The following NAA35 variants were observed in gnomAD, a reference collection of about 807,000 sequenced individuals.
NAA35 encodes N-alpha-acetyltransferase 35, NatC auxiliary subunit.
A neutral mutation model predicts 101.7 loss-of-function variants in NAA35; 18 were observed. The observed-to-expected ratio is 0.18, with a 90% CI of 0.12 to 0.26. NAA35 has a LOEUF of 0.26. NAA35 is among the 10% of genes least tolerant of loss of function. The pLI is 1.00. For missense variants in NAA35, 601 were observed against 886.8 expected (o/e 0.68, Z 4.09); for synonymous variants, 267 against 273.1 (o/e 0.98, Z 0.22).
chr9:86,018,621 T>G (rs1392898785), intron 20 of NAA35, 78 bp from the exon 21 acceptor site: 3 of 1,532,862 alleles, frequency 2.0e-6, no homozygotes, highest in Non-Finnish European at 2.6e-6. Flanking sequence ...AAATGTAGAA[T>G]TCTTTAATAA....
chr9:85,988,384 AT>A (rs1830741095), intron 11 of NAA35, among the ~76,000 whole-genome samples: 1 of 152,248 alleles, frequency 6.6e-6, no homozygotes, highest in African/African-American at 2.4e-5. Flanking sequence ...AGAAGAAGTA[AT>A]GAATAATAGA....
intron 4 of NAA35, among the ~76,000 whole-genome samples, 187 bp downstream of exon 4, chr9:85,958,773 T>A (rs573854605): frequency 2.6e-4 from 40 of 152,344 alleles, no homozygotes; most frequent in African/African-American, 9.4e-4. Context: ...TTCATTAAAA[T>A]CTTGCTCTAA....
Position 86,021,997 on chromosome 9 carries a change from T to C in NAA35, c.*37T>C, listed in dbSNP as rs1424341689. The C allele has an allele frequency of 1.3e-6, 2 of 1,545,266 alleles. No individual in the cohort carries two copies. The highest frequency in any genetic ancestry group is 2.3e-5 in the South Asian group (2 of 88,526). ...GAGGTGGCCATAAAGGGGCAGAGTCTTCTTTCAGACCCAACTCTTAGAGGG... is the reference window on the plus strand; with the variant it reads ...GAGGTGGCCATAAAGGGGCAGAGTCCTCTTTCAGACCCAACTCTTAGAGGG... On this transcript the variant is annotated 3_prime_UTR_variant, in exon 23 of 23. Transcript: ENST00000361671.
At chr9:85,947,210 ATCTAGGT>A (rs1828807810) in intron 2 of NAA35, among the ~76,000 whole-genome samples, 5 of 152,292 alleles carry the variant, frequency 3.3e-5, no homozygotes, top group Admixed American at 2.0e-4. Context: ...TAATGTTATT[ATCTAGGT>A]GATCTGGAAT....
At chr9:85,973,785 A>G (rs1043196870) in intron 6 of NAA35, among the ~76,000 whole-genome samples, 1 of 152,026 alleles carries the variant, frequency 6.6e-6, no homozygotes, top group East Asian at 1.9e-4. Flanking sequence ...TGTAAGTCAT[A>G]AAATACACCT....
intron 14 of NAA35, among the ~76,000 whole-genome samples, chr9:86,009,115 C>A (rs1372200833): frequency 6.6e-6 from 1 of 152,112 alleles, no homozygotes; most frequent in Non-Finnish European, 1.5e-5. Flanking sequence ...GAACATATTT[C>A]TTCTACTGAA....
chr9:85,945,869 G>A (rs1040835888), intron 2 of NAA35, among the ~76,000 whole-genome samples: 3 of 152,130 alleles, frequency 2.0e-5, no homozygotes, highest in Non-Finnish European at 2.9e-5. Context: ...TACTGATGGC[G>A]AAGTTGTTTT....
In NAA35 at chr9:85,951,290, G is replaced by T. The variant is rs11141160; in HGVS notation, c.125-5070G>T. On this transcript the variant is annotated intron_variant, in intron 2 of 22. Transcript: ENST00000361671. ...ACTTCAATGTCTGGCATAACAGAGG[G>T]CAATTGAATTCTCATATTTGCTTCT... 4.0e-3 allele frequency among the ~76,000 whole-genome samples: 604 copies of T among 152,284 alleles called. 5 individuals are homozygous for T. Among genetic ancestry groups the T allele is most frequent in the African/African-American group, 0.014 (571 of 41,550 alleles).
intron 11 of NAA35, among the ~76,000 whole-genome samples, chr9:85,989,643 A>T (rs1161188223): frequency 6.6e-6 from 1 of 152,236 alleles, no homozygotes; most frequent in Admixed American, 6.5e-5. Flanking sequence ...GAAAGACTGA[A>T]ATCAGGAATG....
intron 6 of NAA35, among the ~76,000 whole-genome samples, chr9:85,965,862 T>C (rs1039265064): frequency 3.3e-5 from 5 of 152,188 alleles, no homozygotes; most frequent in African/African-American, 1.2e-4. Context: ...TACACTTGTT[T>C]GCACTGTTGG....
At chr9:85,968,681 C>T (rs1829868491) in intron 6 of NAA35, among the ~76,000 whole-genome samples, 1 of 151,682 alleles carries the variant, frequency 6.6e-6, no homozygotes, top group Non-Finnish European at 1.5e-5. Context: ...TGGATATAAC[C>T]TAATATTCTA....
At chr9:85,961,121 A>G (rs1396198342) in intron 5 of NAA35, among the ~76,000 whole-genome samples, 1 of 152,090 alleles carries the variant, frequency 6.6e-6, no homozygotes, top group Non-Finnish European at 1.5e-5. Flanking sequence ...AAAAATTTGG[A>G]CTTTAAAAGG....
At chr9:85,967,526 G>A (rs915640702) in intron 6 of NAA35, among the ~76,000 whole-genome samples, 10 of 152,168 alleles carry the variant, frequency 6.6e-5, no homozygotes, top group African/African-American at 2.2e-4. Flanking sequence ...AGAATGATTT[G>A]GCCGGGCGCG....
At chr9:86,010,765 A>G (rs1831884339) in intron 15 of NAA35, among the ~76,000 whole-genome samples, 1 of 149,930 alleles carries the variant, frequency 6.7e-6, no homozygotes, top group Non-Finnish European at 1.5e-5. Context: ...TTTTTAGTAG[A>G]GACGGGGTTT....
Position 85,975,352 on chromosome 9 carries a change from C to T in NAA35, c.627+195C>T, listed in dbSNP as rs547798897. Among the ~76,000 whole-genome samples, 54 of 151,928 alleles carry T rather than the reference C, an allele frequency of 3.6e-4. No homozygotes were observed. In the South Asian group the frequency reaches 0.01, roughly 29 times the overall value. On this transcript the variant is annotated intron_variant, in intron 8 of 22. Transcript: ENST00000361671. Reference sequence around the variant, plus strand: ...TTTCAAATTTTAGTATATGTGCTGCCGAAGCGAGCACAAATTAATGTCATT... The same window carrying T: ...TTTCAAATTTTAGTATATGTGCTGCTGAAGCGAGCACAAATTAATGTCATT...
At chr9:85,971,501 A>T (rs1462255653) in intron 6 of NAA35, among the ~76,000 whole-genome samples, 1 of 152,092 alleles carries the variant, frequency 6.6e-6, no homozygotes, top group African/African-American at 2.4e-5. Flanking sequence ...GATTTCCTCT[A>T]GTTCTGTGGC....
intron 17 of NAA35, among the ~76,000 whole-genome samples, chr9:86,015,410 A>G (rs1285469046): frequency 1.3e-5 from 2 of 152,134 alleles, no homozygotes; most frequent in African/African-American, 4.8e-5. Context: ...GTTGTTTTTC[A>G]TGCATACGGT....
chr9:86,022,011 A>C lies in NAA35; in HGVS notation c.*51A>C, dbSNP rs748834656. On this transcript the variant is annotated 3_prime_UTR_variant, in exon 23 of 23. Transcript: ENST00000361671. ...GGGGCAGAGTCTTCTTTCAGACCCA[A>C]CTCTTAGAGGGCACATCACCAGGCT... 1 of 1,412,178 alleles carries C rather than the reference A, an allele frequency of 7.1e-7. No homozygotes were observed. Among genetic ancestry groups the C allele is most frequent in the South Asian group, 1.2e-5 (1 of 84,208 alleles). 87.5% of individuals were successfully genotyped at this position (1,412,178 alleles called of 1,614,324 possible).
In NAA35 at chr9:85,967,529, C is replaced by T. The variant is rs10120290; in HGVS notation, c.516+5349C>T. 4.0e-3 allele frequency among the ~76,000 whole-genome samples: 605 copies of T among 152,042 alleles called. 5 individuals carry two copies. The highest frequency in any genetic ancestry group is 0.014 in the African/African-American group (570 of 41,484). On this transcript the variant is annotated intron_variant, in intron 6 of 22. Coordinates refer to ENST00000361671, the MANE Select transcript of NAA35 (RefSeq NM_024635.4). ...TAGTGATGAATAAGAATGATTTGGC[C>T]GGGCGCGGTGGCTCACGCATGTAAT...
Sources: allele counts gnomAD v4.1 joint callset (sites outside exome capture counted in the v4.1 genomes callset), GRCh38; gene constraint gnomAD v4.1.1; transcripts MANE v1.5; gene names NCBI Gene and HGNC (gene_info 2026-07-23, HGNC 2026-07-21).